The following PLEKHA8 variants were observed in gnomAD, a reference collection of about 807,000 sequenced individuals.
PLEKHA8 encodes pleckstrin homology domain containing A8.
Under a neutral mutation model 68.2 loss-of-function variants are expected in PLEKHA8, and 36 were observed. The observed-to-expected ratio is 0.53, with a 90% confidence interval of 0.40 to 0.70. The LOEUF (loss-of-function observed/expected upper bound fraction) is 0.70. Ranked by LOEUF, PLEKHA8 falls within the 30% of genes least tolerant of loss-of-function variation. The pLI is 0.00. For synonymous variants in PLEKHA8, 211 were observed against 216.1 expected (o/e 0.98, Z 0.20); for missense variants, 505 against 615.4 (o/e 0.82, Z 1.90).
intron 1 of PLEKHA8, among the ~76,000 whole-genome samples, chr7:30,029,137 C>A (rs1344845963): frequency 6.6e-6 from 1 of 152,242 alleles, no homozygotes; most frequent in Non-Finnish European, 1.5e-5. Flanking sequence ...CTCTGGGAAT[C>A]TCTTGAATTT....
exon 13 of PLEKHA8, chr7:30,090,216 T>G (rs372108661): frequency 1.9e-5 from 29 of 1,544,638 alleles, no homozygotes; most frequent in Middle Eastern, 3.4e-4. Context: ...ACTTCAAGAA[T>G]GAAGAAAGAA....
intron 7 of PLEKHA8, 95 bp from the exon 8 acceptor site, chr7:30,054,614 T>G: frequency 1.2e-6 from 1 of 814,006 alleles, no homozygotes; most frequent in South Asian, 5.0e-5. Flanking sequence ...TTTATTTCTA[T>G]GTATTTTTCT....
intron 9 of PLEKHA8, among the ~76,000 whole-genome samples, chr7:30,058,064 CT>C (rs931108911): frequency 3.3e-5 from 5 of 151,190 alleles, no homozygotes; most frequent in Non-Finnish European, 5.9e-5. Context: ...ATATTGAGCA[CT>C]TTTTTTTTAT....
intron 7 of PLEKHA8, 44 bp downstream of exon 7, chr7:30,052,910 T>C (rs369228201): frequency 1.2e-4 from 182 of 1,501,278 alleles, no homozygotes; most frequent in Non-Finnish European, 1.5e-4. Flanking sequence ...TTTTAGATGA[T>C]AGAAAATTTG....
downstream of PLEKHA8, among the ~76,000 whole-genome samples, chr7:30,091,957 C>T (rs955158317): frequency 2.6e-5 from 4 of 152,162 alleles, no homozygotes; most frequent in African/African-American, 7.2e-5. Context: ...ATTCCACACA[C>T]GTTTGTTTTA....
In PLEKHA8 at chr7:30,060,874, T is replaced by G. The variant is rs1250735440; in HGVS notation, c.1040-10T>G. ...GCTTTTTCAGAAATGTTTTTAATCT[T>G]TTCTTCTAGACAAACTTGGCCCTAC... On this transcript the variant is annotated splice_polypyrimidine_tract_variant and intron_variant, in intron 9 of 13. Coordinates refer to ENST00000449726, the MANE Select transcript of PLEKHA8 (RefSeq NM_001197026.2). The G allele has an allele frequency of 6.2e-6, 10 of 1,607,262 alleles. No homozygotes were observed. The Middle Eastern group carries it at 8.3e-4, about 133-fold the overall frequency.
chr7:30,099,059 T>C (rs866620568), intron 13 of PLEKHA8, among the ~76,000 whole-genome samples: 2 of 152,206 alleles, frequency 1.3e-5, no homozygotes, highest in African/African-American at 4.8e-5. Context: ...CCCAGCCTTT[T>C]CTTTCTTTTT....
chr7:30,082,659 A>G lies in PLEKHA8; in HGVS notation c.*3872A>G. ...TTTATATTTTCAGAAAAGTGTTTTT[A>G]ATTAAAAATATGTGATAGGGACCAA... is the stretch of plus-strand genomic sequence containing the variant. On this transcript the variant is annotated 3_prime_UTR_variant, in exon 14 of 14. Coordinates refer to ENST00000449726, the MANE Select transcript of PLEKHA8 (RefSeq NM_001197026.2). The G allele has an allele frequency of 1.0e-6, 1 of 983,630 alleles. No homozygotes were observed. 60.9% of individuals were successfully genotyped at this position (983,630 alleles called of 1,614,324 possible).
Position 30,080,327 on chromosome 7 carries a change from G to C in PLEKHA8, c.*1540G>C. On this transcript the variant is annotated 3_prime_UTR_variant, in exon 14 of 14. Coordinates refer to ENST00000449726, the MANE Select transcript of PLEKHA8 (RefSeq NM_001197026.2). ...AGTGTGCATCGGAGAGAAGCCATGG[G>C]TACCTTCCCCATTAGAGGCTACTTC... 1 of 985,324 alleles carries C rather than the reference G, an allele frequency of 1.0e-6. No individual in the cohort carries two copies. Among genetic ancestry groups the C allele is most frequent in the Non-Finnish European group, 1.2e-6 (1 of 829,906 alleles). 61.0% of individuals were successfully genotyped at this position (985,324 alleles called of 1,614,324 possible).
exon 13 of PLEKHA8, chr7:30,090,674 A>T (rs1562543954): frequency 3.2e-6 from 2 of 620,886 alleles, no homozygotes; most frequent in South Asian, 1.5e-4. Flanking sequence ...ATACTGTCTC[A>T]ACTTTTTTCA....
At chr7:30,114,370 T>C (rs1201936907) in intron 13 of PLEKHA8, among the ~76,000 whole-genome samples, 8 of 152,350 alleles carry the variant, frequency 5.3e-5, no homozygotes, top group African/African-American at 1.9e-4. Flanking sequence ...ACAGAAATAT[T>C]AAGTGACACA....
chr7:30,100,509 C>T (rs1331252874), intron 13 of PLEKHA8, among the ~76,000 whole-genome samples: 2 of 152,052 alleles, frequency 1.3e-5, no homozygotes, highest in Admixed American at 1.3e-4. Context: ...CAAGATCACA[C>T]CACTGCACTC....
rs762165329 is a variant in PLEKHA8, at chr7:30,054,694, T to C, written c.797-15T>C. On this transcript the variant is annotated splice_polypyrimidine_tract_variant and intron_variant, in intron 7 of 13. Coordinates refer to ENST00000449726, the MANE Select transcript of PLEKHA8 (RefSeq NM_001197026.2). ...ATATATAATAGGTTAGTAATAGATA[T>C]TTTCTACTTTGCAGTCCAAGGTGAA... The C allele has an allele frequency of 3.3e-6, 5 of 1,503,336 alleles. No individual in the cohort carries two copies. The highest frequency in any genetic ancestry group is 3.6e-6 in the Non-Finnish European group (4 of 1,113,786). The allele number at this position is 1,503,336 out of a possible 1,614,324, so 93.1% of individuals were successfully genotyped here.
At chr7:30,029,889 A>G (rs377709367) in intron 1 of PLEKHA8, among the ~76,000 whole-genome samples, 1 of 152,236 alleles carries the variant, frequency 6.6e-6, no homozygotes, top group Non-Finnish European at 1.5e-5. Flanking sequence ...AGGTGCCCCT[A>G]TTGGGCGTAC....
chr7:30,069,842 G>C (rs2127993176), intron 12 of PLEKHA8: 1 of 152,236 alleles, frequency 6.6e-6, no homozygotes, highest in East Asian at 1.9e-4. Flanking sequence ...TGATTGTCAA[G>C]GCTTCCTACT....
intron 13 of PLEKHA8, among the ~76,000 whole-genome samples, chr7:30,115,526 A>G (rs543203815): frequency 1.9e-4 from 28 of 148,532 alleles, no homozygotes; most frequent in African/African-American, 5.1e-4. Flanking sequence ...ACACGTATAC[A>G]TGTAGACATA....
At chr7:30,087,917 G>A (rs1376610938), downstream of PLEKHA8, among the ~76,000 whole-genome samples, 1 of 152,190 alleles carries the variant, frequency 6.6e-6, no homozygotes, top group Non-Finnish European at 1.5e-5. Context: ...TAATTCTTTG[G>A]TGTTAGGTTC....
chr7:30,052,587 C>A, intron 6 of PLEKHA8, 122 bp from the exon 7 acceptor site: 2 of 762,226 alleles, frequency 2.6e-6, no homozygotes, highest in Non-Finnish European at 2.0e-6. Flanking sequence ...TTGCAGTGAG[C>A]TGTGATTGTG....
intron 9 of PLEKHA8, among the ~76,000 whole-genome samples, chr7:30,056,760 TGTGTGTGTGTGTGTGTGTGTG>T (rs1792999901): frequency 7.8e-6 from 1 of 128,596 alleles, no homozygotes; most frequent in Non-Finnish European, 1.6e-5. Context: ...TGTGTGTGTG[TGTGTGTGTGTGTGTGTGTGTG>T]TGTGTATATA....
Sources: gnomAD v4.1 joint callset for allele counts (sites outside exome capture counted in the v4.1 genomes callset) on GRCh38, gnomAD v4.1.1 for gene constraint, MANE v1.5 for transcripts, NCBI Gene and HGNC (gene_info 2026-07-23, HGNC 2026-07-21) for gene names.